Variants in QPRT observed in about 807,000 individuals in gnomAD.
The protein encoded by QPRT is nicotinate-nucleotide pyrophosphorylase [carboxylating].
A neutral mutation model predicts 19.8 loss-of-function variants in QPRT; 17 were observed. The observed-to-expected ratio is 0.86, with a 90% CI of 0.59 to 1.29. The LOEUF (loss-of-function observed/expected upper bound fraction) is 1.29. Ranked by LOEUF, QPRT falls within the 50% of genes most tolerant of loss-of-function variation. QPRT has a pLI of 0.00. For missense variants in QPRT, 336 were observed against 405.1 expected (o/e 0.83, Z 1.46); for synonymous variants, 178 against 191.0 (o/e 0.93, Z 0.56).
intron 1 of QPRT, among the ~76,000 whole-genome samples, chr16:29,688,571 G>A (rs1967229553): frequency 6.6e-6 from 1 of 152,060 alleles, no homozygotes; most frequent in Non-Finnish European, 1.5e-5. Context: ...CCAGGCTGGA[G>A]TACAGTGGTG....
intron 1 of QPRT, among the ~76,000 whole-genome samples, chr16:29,687,951 C>T (rs546930316): frequency 6.6e-6 from 1 of 152,086 alleles, no homozygotes; most frequent in Admixed American, 6.6e-5. Context: ...CACTGCATTC[C>T]ACTCTGTCTC....
At chr16:29,684,767 G>A (rs779602564) in intron 1 of QPRT, among the ~76,000 whole-genome samples, 8 of 152,150 alleles carry the variant, frequency 5.3e-5, no homozygotes, top group East Asian at 3.9e-4. Context: ...TCTTTCTCTC[G>A]AGCTCTGCAG....
rs748818721 is a variant in QPRT at position 29,679,192 on chromosome 16, G to A, written c.-6G>A. 1 of 1,613,408 alleles carries A rather than the reference G, an allele frequency of 6.2e-7. No homozygotes were observed. The highest frequency in any genetic ancestry group is 1.7e-5 in the Admixed American group (1 of 59,968). On this transcript the variant is annotated 5_prime_UTR_variant, in exon 1 of 4. Coordinates refer to ENST00000395384, the MANE Select transcript of QPRT (RefSeq NM_014298.6). ...AACACACCAGCCCAGACAGCTGCAA[G>A]TCACCATGGACGCTGAAGGTAAAGG...
In QPRT at chr16:29,688,588, C is replaced by T. The variant is rs1426862378; in HGVS notation, c.14-6076C>T. ...AGGCTGGAGTACAGTGGTGCTATCT[C>T]GGCTCACTGCAAACTCTGCCTCCTA... On this transcript the variant is annotated intron_variant, in intron 1 of 3. Coordinates refer to ENST00000395384, the MANE Select transcript of QPRT (RefSeq NM_014298.6). Among the ~76,000 whole-genome samples, 6 of 151,936 alleles carry T rather than the reference C, an allele frequency of 3.9e-5. No homozygotes were observed. In the East Asian group the frequency reaches 1.2e-3, roughly 29 times the overall value.
At chr16:29,689,173 C>T (rs1016417937) in intron 1 of QPRT, among the ~76,000 whole-genome samples, 2 of 151,674 alleles carry the variant, frequency 1.3e-5, no homozygotes, top group Non-Finnish European at 2.9e-5. Flanking sequence ...CAGCTCATTG[C>T]AACCTCTGCC....
rs763127875 is a variant in QPRT, at chr16:29,697,421, G to A, written c.*10G>A. 3.5e-5 allele frequency: 56 copies of A among 1,603,984 alleles called. No homozygotes were observed. Among genetic ancestry groups the A allele is most frequent in the Non-Finnish European group, 2.0e-5 (23 of 1,175,798 alleles). On this transcript the variant is annotated 3_prime_UTR_variant, in exon 4 of 4. Coordinates refer to ENST00000395384, the MANE Select transcript of QPRT (RefSeq NM_014298.6). The surrounding 1 kb of genome is among the most constrained non-coding windows in gnomAD (Gnocchi z 4.4). ...GCCCAAAATCCACTAGTCCTAAACC[G>A]GAAGAGGATGACACCGGCCATGGGT... is the stretch of plus-strand genomic sequence containing the variant.
intron 1 of QPRT, 67 bp downstream of exon 1, chr16:29,679,277 C>A: frequency 7.7e-7 from 1 of 1,299,142 alleles, no homozygotes; most frequent in Non-Finnish European, 1.1e-6. Flanking sequence ...TGCCCCCACC[C>A]TGGCTTGTCT....
At chr16:29,691,191 C>G (rs1967316404) in intron 1 of QPRT, among the ~76,000 whole-genome samples, 1 of 151,138 alleles carries the variant, frequency 6.6e-6, no homozygotes, top group Non-Finnish European at 1.5e-5. Context: ...ATGGCAAAAC[C>G]CTGTCTCTAC....
chr16:29,691,705 C>T (rs960215351), intron 1 of QPRT, among the ~76,000 whole-genome samples: 3 of 152,096 alleles, frequency 2.0e-5, no homozygotes, highest in Non-Finnish European at 2.9e-5. Context: ...TCCTCCCTGC[C>T]GTTTGCTCCC....
In QPRT at chr16:29,697,507, A is replaced by G. The variant is rs879232907; in HGVS notation, c.*96A>G. On this transcript the variant is annotated 3_prime_UTR_variant, in exon 4 of 4. Coordinates refer to ENST00000395384, the MANE Select transcript of QPRT (RefSeq NM_014298.6). This position sits in a 1 kb window ranked among gnomAD's most constrained non-coding sequence, Gnocchi z 4.4. ...CTTTAGGGTCAGTGGCCAATGGGGCACATTTGGCACTAGCTTGAGCCCAAC... is the reference window on the plus strand; with the variant it reads ...CTTTAGGGTCAGTGGCCAATGGGGCGCATTTGGCACTAGCTTGAGCCCAAC... 44 of 1,289,866 alleles carry G rather than the reference A, an allele frequency of 3.4e-5. No individual in the cohort carries two copies. In the South Asian group the frequency reaches 5.7e-4, roughly 17 times the overall value. The allele number at this position is 1,289,866 out of a possible 1,614,324, so 79.9% of individuals were successfully genotyped here. A position where few individuals can be genotyped will look rare whatever the true frequency, so the allele number is the denominator to read the frequency against.
At chr16:29,696,960 C>G (rs771964572) in intron 2 of QPRT, 36 bp from the exon 3 acceptor site, 1 of 1,561,254 alleles carries the variant, frequency 6.4e-7, no homozygotes, top group East Asian at 2.3e-5. Flanking sequence ...GGTGCTGGGC[C>G]CAGTCCTCAC....
chr16:29,693,308 T>A (rs1393636896), intron 1 of QPRT, among the ~76,000 whole-genome samples: 1 of 152,116 alleles, frequency 6.6e-6, no homozygotes, highest in Non-Finnish European at 1.5e-5. Flanking sequence ...AGTCTTGCTC[T>A]GTCACCCAGG....
intron 1 of QPRT, among the ~76,000 whole-genome samples, chr16:29,692,845 GAGGTC>G (rs1967390563): frequency 6.6e-6 from 1 of 151,902 alleles, no homozygotes; most frequent in African/African-American, 2.4e-5. Flanking sequence ...GGCGAATCAC[GAGGTC>G]AGGAGTTCCA....
At chr16:29,681,065 C>A (rs1313583296) in intron 1 of QPRT, among the ~76,000 whole-genome samples, 1 of 151,342 alleles carries the variant, frequency 6.6e-6, no homozygotes, top group Non-Finnish European at 1.5e-5. Flanking sequence ...CACCCGGTCC[C>A]TCTGGCTCCA....
intron 1 of QPRT, among the ~76,000 whole-genome samples, chr16:29,680,867 A>C (rs1439866874): frequency 6.6e-6 from 1 of 152,016 alleles, no homozygotes; most frequent in Non-Finnish European, 1.5e-5. Context: ...CTTGAACCCC[A>C]GTGGCGGAGG....
chr16:29,684,488 G>A (rs908153848), intron 1 of QPRT, among the ~76,000 whole-genome samples: 1 of 152,060 alleles, frequency 6.6e-6, no homozygotes, highest in Non-Finnish European at 1.5e-5. Flanking sequence ...TAGAGACGGG[G>A]TTTTGCTATG....
At position 29,679,990 on chromosome 16, in the gene QPRT, C is replaced by G. The variant is rs1419679566; in HGVS notation, c.13+780C>G. ...TTTTTTTTTTTTTGAGACGGAGTCT[C>G]GCTTTCCCCCAGGCTGGAGTGCAGT... On this transcript the variant is annotated intron_variant, in intron 1 of 3. Transcript: ENST00000395384. 4.1e-5 allele frequency among the ~76,000 whole-genome samples: 6 copies of G among 146,210 alleles called. No individual in the cohort carries two copies. In the East Asian group the frequency reaches 1.2e-3, roughly 29 times the overall value.
chr16:29,689,130 T>C (rs1411589169), intron 1 of QPRT, among the ~76,000 whole-genome samples: 1 of 151,038 alleles, frequency 6.6e-6, no homozygotes, highest in Non-Finnish European at 1.5e-5. Flanking sequence ...AATTGCACTC[T>C]GTCACCCAGG....
intron 1 of QPRT, among the ~76,000 whole-genome samples, chr16:29,680,187 A>G (rs919896054): frequency 6.6e-6 from 1 of 151,468 alleles, no homozygotes; most frequent in Non-Finnish European, 1.5e-5. Context: ...TCATTTCCCA[A>G]CCTCGTGATC....
Sources: allele counts gnomAD v4.1 joint callset (sites outside exome capture counted in the v4.1 genomes callset), GRCh38; gene constraint gnomAD v4.1.1; non-coding constraint Gnocchi (gnomAD v3.1); transcripts MANE v1.5; gene names NCBI Gene and HGNC (gene_info 2026-07-23, HGNC 2026-07-21).